ENTPD1: variants seen among roughly 807,000 people sequenced by gnomAD.
The protein encoded by ENTPD1 is ATP diphosphohydrolase.
Under a neutral mutation model 57.0 loss-of-function variants are expected in ENTPD1, and 33 were observed. The ratio of observed to expected loss-of-function variants is 0.58; its 90% CI spans 0.44 to 0.77. ENTPD1 has a LOEUF of 0.77. Among genes scored for constraint, ENTPD1 ranks in the 30% least tolerant of loss-of-function variants. The probability of loss-of-function intolerance (pLI) is 0.00; values close to 1 mark genes in which losing one functional copy is unlikely to be tolerated. For synonymous variants in ENTPD1, 202 were observed against 218.8 expected, an observed-to-expected ratio of 0.92 and a Z score of 0.68; for missense variants, 501 against 603.4, an observed-to-expected ratio of 0.83 and a Z score of 1.78.
At chr10:95,748,125 G>A (rs1469141847) in intron 1 of ENTPD1, among the ~76,000 whole-genome samples, 7 of 151,982 alleles carry the variant, frequency 4.6e-5, no homozygotes, top group Non-Finnish European at 4.4e-5. Flanking sequence ...CGCCCACCTC[G>A]GCCTCCCAAA....
At chr10:95,713,347 T>A (rs1253897345) in intron 1 of ENTPD1, among the ~76,000 whole-genome samples, 1 of 152,170 alleles carries the variant, frequency 6.6e-6, no homozygotes, top group African/African-American at 2.4e-5. Flanking sequence ...ATTTTGGAGA[T>A]CTCTCATTCT....
At chr10:95,830,617 C>T (rs1024988351) in intron 2 of ENTPD1, among the ~76,000 whole-genome samples, 6 of 152,024 alleles carry the variant, frequency 3.9e-5, no homozygotes, top group African/African-American at 1.4e-4. Context: ...ACCAGCCTGG[C>T]CAACATGGTG....
upstream of ENTPD1, among the ~76,000 whole-genome samples, chr10:95,709,891 C>T (rs1471764153): frequency 6.7e-6 from 1 of 150,290 alleles, no homozygotes; most frequent in Non-Finnish European, 1.5e-5. Context: ...TTAGCCCCGG[C>T]CCCCCCCACC....
chr10:95,751,637 C>G (rs905767780), upstream of ENTPD1, among the ~76,000 whole-genome samples: 1 of 151,846 alleles, frequency 6.6e-6, no homozygotes, highest in Non-Finnish European at 1.5e-5. Context: ...ATCGCTTGAA[C>G]CTGGGAGGCA....
At chr10:95,863,123 A>G (rs2098468077) in intron 8 of ENTPD1, among the ~76,000 whole-genome samples, 1 of 152,182 alleles carries the variant, frequency 6.6e-6, no homozygotes, top group African/African-American at 2.4e-5. Context: ...TTTGGCTTCT[A>G]TATTTTTGGC....
intron 1 of ENTPD1, among the ~76,000 whole-genome samples, chr10:95,788,595 C>T (rs913233943): frequency 7.4e-5 from 11 of 148,270 alleles, no homozygotes; most frequent in South Asian, 6.4e-4. Flanking sequence ...GCAGCCTGGG[C>T]GACAAAGTGA....
intron 2 of ENTPD1, among the ~76,000 whole-genome samples, chr10:95,832,685 C>A (rs1306220125): frequency 6.6e-6 from 1 of 152,214 alleles, no homozygotes; most frequent in Non-Finnish European, 1.5e-5. Flanking sequence ...TGAATGCAGG[C>A]TCAGGGACCA....
intron 2 of ENTPD1, 103 bp from the exon 3 acceptor site, chr10:95,839,587 AC>A: frequency 8.7e-7 from 1 of 1,145,726 alleles, no homozygotes. Flanking sequence ...CCTCTCAAAT[AC>A]TTTCTCCTCA....
chr10:95,787,153 A>C (rs2098183242), intron 1 of ENTPD1, among the ~76,000 whole-genome samples: 2 of 152,212 alleles, frequency 1.3e-5, no homozygotes, highest in African/African-American at 4.8e-5. Context: ...CTTCCAATAA[A>C]GCATAATAAG....
At position 95,861,927 on chromosome 10, in the gene ENTPD1, C is replaced by T. The variant is rs184303917; in HGVS notation, c.1188+1345C>T. 7.9e-5 allele frequency among the ~76,000 whole-genome samples: 12 copies of T among 151,618 alleles called. No individual in the cohort carries two copies. The East Asian group carries it at 9.7e-4, about 12-fold the overall frequency. On this transcript the variant is annotated intron_variant, in intron 8 of 9. Transcript: ENST00000371205. ...AGGAGAATGGCATGAACCCAGGAGGCGGAGCTTGCAGTGAGCTGAGATTGT... is the reference window on the plus strand; with the variant it reads ...AGGAGAATGGCATGAACCCAGGAGGTGGAGCTTGCAGTGAGCTGAGATTGT...
At chr10:95,758,873 T>G (rs1462621939) in intron 1 of ENTPD1, among the ~76,000 whole-genome samples, 2 of 152,140 alleles carry the variant, frequency 1.3e-5, no homozygotes. Flanking sequence ...ATGGTTAAGG[T>G]GTCAGGTTTC....
intron 1 of ENTPD1, among the ~76,000 whole-genome samples, chr10:95,764,941 C>G (rs941184636): frequency 6.6e-6 from 1 of 152,146 alleles, no homozygotes; most frequent in Non-Finnish European, 1.5e-5. Flanking sequence ...AGGCTGGTCT[C>G]GAACTCCTGA....
At position 95,871,748 on chromosome 10, in the gene ENTPD1, C is replaced by G; in HGVS notation, c.*5365C>G. 1 of 985,410 alleles carries G rather than the reference C, an allele frequency of 1.0e-6. No homozygotes were observed. Among genetic ancestry groups the G allele is most frequent in the South Asian group, 4.7e-5 (1 of 21,288 alleles). 61.0% of individuals were successfully genotyped at this position (985,410 alleles called of 1,614,324 possible). A position where few individuals can be genotyped will look rare whatever the true frequency, so the allele number is the denominator to read the frequency against. On this transcript the variant is annotated 3_prime_UTR_variant, in exon 10 of 10. Coordinates refer to ENST00000371205, the MANE Select transcript of ENTPD1 (RefSeq NM_001776.6). ...GATCAGTGATGATGATCACCCTCAT[C>G]AGCACTAGAGTTGACTTGTTTTTAT...
At chr10:95,792,924 T>C (rs1377441125) in intron 1 of ENTPD1, among the ~76,000 whole-genome samples, 1 of 152,222 alleles carries the variant, frequency 6.6e-6, no homozygotes, top group Non-Finnish European at 1.5e-5. Context: ...TCATGTTCAC[T>C]CTGGCCACGT....
At chr10:95,788,758 G>A (rs960352452) in intron 1 of ENTPD1, among the ~76,000 whole-genome samples, 1 of 152,152 alleles carries the variant, frequency 6.6e-6, no homozygotes, top group Non-Finnish European at 1.5e-5. Flanking sequence ...GGAACTTTAC[G>A]AGGAGGCGAG....
intron 1 of ENTPD1, among the ~76,000 whole-genome samples, chr10:95,735,343 A>G (rs1384944966): frequency 1.3e-5 from 2 of 152,168 alleles, no homozygotes; most frequent in Admixed American, 6.5e-5. Context: ...GTGTTTGGAA[A>G]TCAAGATGTG....
At chr10:95,728,093 T>A (rs1042808474) in intron 1 of ENTPD1, among the ~76,000 whole-genome samples, 1 of 152,224 alleles carries the variant, frequency 6.6e-6, no homozygotes, top group Non-Finnish European at 1.5e-5. Flanking sequence ...GCTATCTAAC[T>A]ATTGAATTTG....
Position 95,866,224 on chromosome 10 carries a change from G to A in ENTPD1, c.1374G>A (p.Leu458=). 1 of 1,614,092 alleles carries A rather than the reference G, an allele frequency of 6.2e-7. No individual in the cohort carries two copies. Among genetic ancestry groups the A allele is most frequent in the Non-Finnish European group, 8.5e-7 (1 of 1,180,010 alleles). Residue 458 remains leucine (L), a synonymous_variant, in exon 10 of 10, where the codon CTG becomes CTA. Transcript: ENST00000371205. ...AGWTLGYMLN[L]TNMIPAEQPL... is the part of the protein sequence containing the mutation. ...GGACTTTGGGCTACATGCTGAACCT[G>A]ACCAACATGATCCCAGCTGAGCAAC... is the stretch of plus-strand genomic sequence containing the variant.
At chr10:95,765,508 G>A (rs1035890069) in intron 1 of ENTPD1, among the ~76,000 whole-genome samples, 8 of 151,902 alleles carry the variant, frequency 5.3e-5, no homozygotes, top group African/African-American at 9.7e-5. Context: ...AAGTGTGAGC[G>A]TTTTTTTCTA....
Sources: allele counts gnomAD v4.1 joint callset (sites outside exome capture counted in the v4.1 genomes callset), GRCh38; gene constraint gnomAD v4.1.1; transcripts MANE v1.5; gene names NCBI Gene and HGNC (gene_info 2026-07-23, HGNC 2026-07-21).